The following SRGAP1 variants were observed in gnomAD, a reference collection of about 807,000 sequenced individuals.
SRGAP1 encodes the protein SLIT-ROBO Rho GTPase-activating protein 1.
In SRGAP1, 43 loss-of-function variants were observed where a neutral mutation model predicts 121.9. The observed-to-expected ratio is 0.35, with a 90% CI of 0.28 to 0.46. The LOEUF (loss-of-function observed/expected upper bound fraction) is 0.46. Among genes scored for constraint, SRGAP1 ranks in the 20% least tolerant of loss-of-function variants. The probability of loss-of-function intolerance (pLI) is 1.00; values close to 1 mark genes in which losing one functional copy is unlikely to be tolerated. For synonymous variants in SRGAP1, 447 were observed against 485.4 expected, an observed-to-expected ratio of 0.92 and a Z score of 1.04; for missense variants, 1,102 against 1,350.9, an observed-to-expected ratio of 0.82 and a Z score of 2.89.
At chr12:63,943,635 A>G (rs948656915) in intron 1 of SRGAP1, among the ~76,000 whole-genome samples, 40 of 152,202 alleles carry the variant, frequency 2.6e-4, no homozygotes, top group African/African-American at 9.7e-4. Flanking sequence ...GGGTATAAGA[A>G]AATGAAGAGG....
rs955256874 is a variant in SRGAP1 at position 63,896,326 on chromosome 12, G to A, written c.67+51443G>A. Among the ~76,000 whole-genome samples the A allele has an allele frequency of 1.8e-4, 27 of 152,140 alleles. 1 individual carries two copies. Among genetic ancestry groups the A allele is most frequent in the Non-Finnish European group, 4.4e-5 (3 of 68,020 alleles). ...AGTATAAAGTCCAGACACAGATCTT[G>A]ATCACCAAAAGATAGAATGTGTGAC... On this transcript the variant is annotated intron_variant, in intron 1 of 21. Transcript: ENST00000355086.
chr12:64,007,306 A>G (rs2034115160), intron 3 of SRGAP1, among the ~76,000 whole-genome samples: 1 of 152,146 alleles, frequency 6.6e-6, no homozygotes, highest in Non-Finnish European at 1.5e-5. Flanking sequence ...TCGAGATGAA[A>G]CTGTTCTACC....
At chr12:63,944,092 C>G (rs774052027) in intron 1 of SRGAP1, among the ~76,000 whole-genome samples, 1 of 152,098 alleles carries the variant, frequency 6.6e-6, no homozygotes, top group Non-Finnish European at 1.5e-5. Flanking sequence ...TAATGGCCAG[C>G]CATGTATTGG....
At chr12:64,065,450 A>G (rs1018286449) in intron 8 of SRGAP1, among the ~76,000 whole-genome samples, 1 of 152,046 alleles carries the variant, frequency 6.6e-6, no homozygotes, top group African/African-American at 2.4e-5. Flanking sequence ...TGTAAACACA[A>G]TTTTTTTTAC....
At chr12:63,904,673 A>G (rs547731687) in intron 1 of SRGAP1, among the ~76,000 whole-genome samples, 11 of 152,280 alleles carry the variant, frequency 7.2e-5, no homozygotes, top group African/African-American at 2.6e-4. Flanking sequence ...GCTCACACCT[A>G]TAATCCCAGC....
intron 4 of SRGAP1, among the ~76,000 whole-genome samples, chr12:64,037,399 C>T (rs367897805): frequency 1.4e-4 from 21 of 152,214 alleles, no homozygotes; most frequent in African/African-American, 4.3e-4. Context: ...TCTTATTGTC[C>T]ATTCCCTCTT....
chr12:64,123,416 G>T (rs2036633842), intron 18 of SRGAP1, among the ~76,000 whole-genome samples: 3 of 151,940 alleles, frequency 2.0e-5, no homozygotes. Context: ...GAATAACTGG[G>T]GTACATATTT....
intron 4 of SRGAP1, among the ~76,000 whole-genome samples, chr12:64,032,926 A>G (rs2034814344): frequency 6.6e-6 from 1 of 152,150 alleles, no homozygotes; most frequent in African/African-American, 2.4e-5. Context: ...CATTATACAA[A>G]GTATGTGTAG....
chr12:64,088,890 T>C (rs886928734), intron 11 of SRGAP1, among the ~76,000 whole-genome samples: 8 of 152,212 alleles, frequency 5.3e-5, no homozygotes, highest in African/African-American at 1.9e-4. Context: ...ATTGGCTTGC[T>C]CCGTGAATCA....
At chr12:64,053,388 G>A (rs1245932230) in intron 6 of SRGAP1, among the ~76,000 whole-genome samples, 2 of 152,050 alleles carry the variant, frequency 1.3e-5, no homozygotes, top group African/African-American at 4.8e-5. Flanking sequence ...TCTAGTTTGC[G>A]GATCCTGATT....
chr12:64,047,721 T>A (rs2035160032), intron 6 of SRGAP1, among the ~76,000 whole-genome samples: 1 of 152,186 alleles, frequency 6.6e-6, no homozygotes, highest in African/African-American at 2.4e-5. Context: ...TAAATGGATC[T>A]ATTGATACCA....
intron 1 of SRGAP1, among the ~76,000 whole-genome samples, chr12:63,977,214 G>A (rs1042481940): frequency 2.0e-5 from 3 of 152,128 alleles, no homozygotes; most frequent in South Asian, 2.1e-4. Context: ...ATCTCATTGC[G>A]TTGCTCTGAA....
chr12:63,881,783 A>G (rs1900203480), intron 1 of SRGAP1, among the ~76,000 whole-genome samples: 1 of 152,202 alleles, frequency 6.6e-6, no homozygotes. Flanking sequence ...GAGTTCTAAC[A>G]TATTTTTGCC....
intron 15 of SRGAP1, among the ~76,000 whole-genome samples, chr12:64,106,142 C>T (rs533259779): frequency 1.5e-4 from 23 of 152,234 alleles, no homozygotes; most frequent in Admixed American, 2.6e-4. Context: ...ACCTTAGCCT[C>T]GACCTTAACT....
At chr12:63,876,841 T>C (rs1019885593) in intron 1 of SRGAP1, among the ~76,000 whole-genome samples, 5 of 152,224 alleles carry the variant, frequency 3.3e-5, no homozygotes, top group African/African-American at 1.2e-4. Context: ...CCTTATCTTC[T>C]TGGAAATTAT....
chr12:64,068,637 A>G (rs564266361), intron 8 of SRGAP1, among the ~76,000 whole-genome samples: 312 of 152,060 alleles, frequency 2.1e-3, no homozygotes, highest in African/African-American at 6.6e-3. Flanking sequence ...TCCTGGCCTG[A>G]AAACTTTTGT....
intron 1 of SRGAP1, among the ~76,000 whole-genome samples, chr12:63,871,404 T>C (rs1899849288): frequency 6.6e-6 from 1 of 152,198 alleles, no homozygotes. Flanking sequence ...CCTTGAGGAT[T>C]AATGGTTCAA....
intron 1 of SRGAP1, among the ~76,000 whole-genome samples, chr12:63,915,905 C>T (rs919113052): frequency 6.6e-6 from 1 of 151,956 alleles, no homozygotes; most frequent in Non-Finnish European, 1.5e-5. Flanking sequence ...TGAGAAGTCT[C>T]AAGGATGAAA....
At chr12:64,134,377 C>T (rs561686466) in intron 21 of SRGAP1, among the ~76,000 whole-genome samples, 5 of 151,022 alleles carry the variant, frequency 3.3e-5, no homozygotes, top group South Asian at 2.1e-4. Flanking sequence ...GCCAAGATTG[C>T]GCCACTGCAC....
Sources: allele counts gnomAD v4.1 joint callset (sites outside exome capture counted in the v4.1 genomes callset), GRCh38; gene constraint gnomAD v4.1.1; transcripts MANE v1.5; gene names NCBI Gene and HGNC (gene_info 2026-07-23, HGNC 2026-07-21).